Variants in GNG2 observed in about 807,000 individuals in gnomAD.
The protein encoded by GNG2 is guanine nucleotide-binding protein G(I)/G(S)/G(O) subunit gamma-2.
A neutral mutation model predicts 5.5 loss-of-function variants in GNG2; 5 were observed. That is an observed-to-expected ratio of 0.91 (90% CI 0.48 to 1.92). GNG2 has a LOEUF of 1.92. GNG2 is among the 30% of genes most tolerant of loss of function. GNG2 has a pLI of 0.01. For missense variants in GNG2, 55 were observed against 88.4 expected (o/e 0.62, Z 1.52); for synonymous variants, 28 against 32.0 (o/e 0.88, Z 0.42).
At chr14:51,826,726 T>A (rs1881039642) in intron 1 of GNG2, among the ~76,000 whole-genome samples, 1 of 152,170 alleles carries the variant, frequency 6.6e-6, no homozygotes, top group Non-Finnish European at 1.5e-5. Flanking sequence ...TCACACTTGA[T>A]GGGACCAACG....
chr14:51,843,631 A>G (rs549553873), intron 2 of GNG2, among the ~76,000 whole-genome samples: 2 of 151,934 alleles, frequency 1.3e-5, no homozygotes, highest in South Asian at 2.1e-4. Flanking sequence ...TCCTGCCCTC[A>G]ACCCTACTTT....
At chr14:51,847,998 T>G (rs1229909030) in intron 2 of GNG2, among the ~76,000 whole-genome samples, 3 of 150,406 alleles carry the variant, frequency 2.0e-5, no homozygotes, top group African/African-American at 7.4e-5. Flanking sequence ...GATGAACAAA[T>G]TCTTGATTTC....
chr14:51,934,860 C>T (rs180911743), intron 2 of GNG2, among the ~76,000 whole-genome samples: 1 of 152,292 alleles, frequency 6.6e-6, no homozygotes, highest in Non-Finnish European at 1.5e-5. Flanking sequence ...ATCTGTTTCT[C>T]CCTTTGTACA....
At chr14:51,964,689 A>T (rs1205945446) in intron 3 of GNG2, among the ~76,000 whole-genome samples, 1 of 152,208 alleles carries the variant, frequency 6.6e-6, no homozygotes, top group Non-Finnish European at 1.5e-5. Context: ...TTCTCTACCC[A>T]ACCAGTAAAT....
intron 2 of GNG2, among the ~76,000 whole-genome samples, chr14:51,903,167 A>G (rs1885676292): frequency 6.6e-6 from 1 of 152,224 alleles, no homozygotes. Context: ...TAGTTCAGTG[A>G]AATATAATGC....
intron 2 of GNG2, among the ~76,000 whole-genome samples, chr14:51,923,162 G>A (rs1566688867): frequency 6.6e-6 from 1 of 152,292 alleles, no homozygotes; most frequent in East Asian, 1.9e-4. Flanking sequence ...GCTTTTTTCT[G>A]TTGTGGACTG....
At chr14:51,885,535 G>C (rs1350741391) in intron 2 of GNG2, among the ~76,000 whole-genome samples, 1 of 151,550 alleles carries the variant, frequency 6.6e-6, no homozygotes, top group East Asian at 1.9e-4. Context: ...CTTTTACCTT[G>C]CTGGCCTAGA....
chr14:51,951,878 G>A, intron 3 of GNG2: 1 of 702,098 alleles, frequency 1.4e-6, no homozygotes, highest in Non-Finnish European at 2.6e-6. Flanking sequence ...ATTCTCTGGT[G>A]TTTCACAGGA....
At position 51,868,698 on chromosome 14, in the gene GNG2, G is replaced by A. The variant is rs1594855115; in HGVS notation, c.-71+7908G>A. Among the ~76,000 whole-genome samples the A allele has an allele frequency of 3.3e-5, 5 of 152,272 alleles. No homozygotes were observed. The South Asian group carries it at 1.0e-3, about 32-fold the overall frequency. ...AATGAGGTGAGATTTCAGAGGAAAT[G>A]TGTCCTTCTTCACATACATGTTCTG... On this transcript the variant is annotated intron_variant, in intron 1 of 3. Coordinates refer to ENST00000556766, the MANE Select transcript of GNG2 (RefSeq NM_053064.5).
At chr14:51,856,873 G>T (rs1882185277), upstream of GNG2, among the ~76,000 whole-genome samples, 1 of 152,208 alleles carries the variant, frequency 6.6e-6, no homozygotes, top group South Asian at 2.1e-4. Context: ...GTGTGCATGT[G>T]CCATGGATTT....
intron 2 of GNG2, among the ~76,000 whole-genome samples, chr14:51,899,646 T>G (rs1335452698): frequency 6.6e-6 from 1 of 152,224 alleles, no homozygotes; most frequent in Non-Finnish European, 1.5e-5. Flanking sequence ...CCTGACACTC[T>G]GTTTTAAATA....
chr14:51,878,116 C>T (rs1883799660), intron 2 of GNG2: 1 of 163,336 alleles, frequency 6.1e-6, no homozygotes, highest in Non-Finnish European at 1.3e-5. Context: ...AGAGGTCAAT[C>T]TAATGCTATT....
intron 2 of GNG2, among the ~76,000 whole-genome samples, chr14:51,936,313 A>G (rs1183090584): frequency 6.6e-6 from 1 of 152,182 alleles, no homozygotes; most frequent in East Asian, 1.9e-4. Flanking sequence ...AGGTCAGTCA[A>G]GTTCACAGCC....
intron 2 of GNG2, among the ~76,000 whole-genome samples, chr14:51,915,908 G>A (rs1183522694): frequency 6.6e-6 from 1 of 152,094 alleles, no homozygotes. Context: ...AGACTGTGGT[G>A]GTAGGTTTCA....
At chr14:51,827,348 T>G (rs567860068) in intron 1 of GNG2, among the ~76,000 whole-genome samples, 1 of 152,332 alleles carries the variant, frequency 6.6e-6, no homozygotes, top group Non-Finnish European at 1.5e-5. Flanking sequence ...TTGTTAGAAT[T>G]GCAAACTCTT....
At chr14:51,827,581 A>G (rs1210089647) in intron 1 of GNG2, 9 of 641,278 alleles carry the variant, frequency 1.4e-5, no homozygotes, top group Non-Finnish European at 2.5e-5. Context: ...GACTATAACT[A>G]GCTCAGCTTT....
intron 2 of GNG2, among the ~76,000 whole-genome samples, chr14:51,895,804 C>T (rs748015044): frequency 1.3e-5 from 2 of 152,136 alleles, no homozygotes; most frequent in African/African-American, 2.4e-5. Flanking sequence ...AATTATGGGG[C>T]GGGTCTTTCC....
intron 2 of GNG2, among the ~76,000 whole-genome samples, chr14:51,934,251 C>T (rs1016650650): frequency 7.2e-5 from 11 of 152,164 alleles, no homozygotes; most frequent in African/African-American, 2.7e-4. Flanking sequence ...CAAAGAATCA[C>T]TAGTGTCAGG....
At chr14:51,922,616 G>T (rs1309577375) in intron 2 of GNG2, among the ~76,000 whole-genome samples, 1 of 152,106 alleles carries the variant, frequency 6.6e-6, no homozygotes, top group South Asian at 2.1e-4. Context: ...CCCCTCCTTT[G>T]TCCCTAGCCT....
Sources: allele counts gnomAD v4.1 joint callset (sites outside exome capture counted in the v4.1 genomes callset), GRCh38; gene constraint gnomAD v4.1.1; transcripts MANE v1.5; gene names NCBI Gene and HGNC (gene_info 2026-07-23, HGNC 2026-07-21).